Variants in CTNNA3 observed in about 807,000 individuals in gnomAD.
CTNNA3 encodes catenin alpha 3.
A neutral mutation model predicts 95.7 loss-of-function variants in CTNNA3; 76 were observed. The observed-to-expected ratio is 0.79, with a 90% CI of 0.66 to 0.96. The LOEUF is 0.96. Ranked by LOEUF, CTNNA3 falls within the 40% of genes least tolerant of loss-of-function variation. CTNNA3 has a pLI of 0.00. For missense variants in CTNNA3, 1,191 were observed against 1,089.8 expected, an observed-to-expected ratio of 1.09 and a Z score of -1.31; for synonymous variants, 431 against 374.4, an observed-to-expected ratio of 1.15 and a Z score of -1.74.
rs1445657787 is a variant in CTNNA3, at chr10:65,919,202, C to CT, written c.*1127dup. 6.6e-6 allele frequency: 1 copy of CT among 152,006 alleles called. No individual in the cohort carries two copies. Among genetic ancestry groups the CT allele is most frequent in the Non-Finnish European group, 1.5e-5 (1 of 67,970 alleles). The allele number at this position is 152,006 out of a possible 1,614,324, so 9.4% of individuals were successfully genotyped here. On this transcript the variant is annotated 3_prime_UTR_variant, in exon 18 of 18. Coordinates refer to ENST00000433211, the MANE Select transcript of CTNNA3 (RefSeq NM_013266.4). The stretch of plus-strand genomic sequence containing the variant: ...ATGACAGAGAGAGGTACACTAGACT[C>CT]TAAGACTATTATGAAGTCCATTATG...
At chr10:66,814,201 G>A (rs1841990008) in intron 7 of CTNNA3, among the ~76,000 whole-genome samples, 1 of 150,978 alleles carries the variant, frequency 6.6e-6, no homozygotes, top group Admixed American at 6.6e-5. Context: ...ATAATTTAGG[G>A]AAAGTGAAAG....
At chr10:67,605,350 A>G (rs1843231604) in intron 3 of CTNNA3, among the ~76,000 whole-genome samples, 1 of 152,230 alleles carries the variant, frequency 6.6e-6, no homozygotes, top group Admixed American at 6.5e-5. Flanking sequence ...ATAAAACAGT[A>G]TCTACCAGGG....
chr10:66,802,808 G>A (rs1841480749), intron 7 of CTNNA3, among the ~76,000 whole-genome samples: 1 of 151,552 alleles, frequency 6.6e-6, no homozygotes, highest in Admixed American at 6.6e-5. Context: ...TTATTAAAAT[G>A]TTCCAACGAT....
At chr10:67,630,615 G>A (rs1181736418) in intron 2 of CTNNA3, among the ~76,000 whole-genome samples, 2 of 152,090 alleles carry the variant, frequency 1.3e-5, no homozygotes, top group Non-Finnish European at 2.9e-5. Flanking sequence ...AGTATTAAAA[G>A]CTATCCCCAA....
At chr10:67,146,134 A>G (rs747753016) in intron 7 of CTNNA3, among the ~76,000 whole-genome samples, 3 of 152,188 alleles carry the variant, frequency 2.0e-5, no homozygotes, top group Non-Finnish European at 2.9e-5. Flanking sequence ...CTTTCTTGAA[A>G]TTTGCATTAA....
At chr10:66,835,210 AT>A (rs11351585) in intron 7 of CTNNA3, among the ~76,000 whole-genome samples, 44,483 of 152,068 alleles carry the variant, frequency 0.29, 8,001 homozygotes, top group African/African-American at 0.48. Context: ...TTAAAGAAAA[AT>A]TACAGTCAAG....
At chr10:66,635,990 CTG>C (rs10527642) in intron 9 of CTNNA3, among the ~76,000 whole-genome samples, 7,327 of 145,740 alleles carry the variant, frequency 0.05, 316 homozygotes, top group East Asian at 0.14. Context: ...TGGAAGAACA[CTG>C]TGTGTGTGTG....
intron 5 of CTNNA3, among the ~76,000 whole-genome samples, chr10:67,220,796 A>G (rs181303615): frequency 2.0e-5 from 3 of 152,132 alleles, no homozygotes; most frequent in Non-Finnish European, 4.4e-5. Flanking sequence ...TACCTTAACC[A>G]AGTGATGAAA....
intron 6 of CTNNA3, among the ~76,000 whole-genome samples, chr10:67,205,758 G>C (rs532802877): frequency 4.1e-4 from 62 of 152,246 alleles, no homozygotes; most frequent in Non-Finnish European, 7.4e-4. Context: ...AAAAGGTAAG[G>C]ATAAATACAG....
At chr10:66,282,431 A>C (rs539069195) in intron 12 of CTNNA3, among the ~76,000 whole-genome samples, 40 of 151,826 alleles carry the variant, frequency 2.6e-4, no homozygotes, top group Admixed American at 7.2e-4. Flanking sequence ...AGGAAACCTA[A>C]TTTTCCTTTA....
Position 65,919,037 on chromosome 10 carries a change from T to G in CTNNA3, c.*1293A>C, listed in dbSNP as rs2077041558. On this transcript the variant is annotated 3_prime_UTR_variant, in exon 18 of 18. Coordinates refer to ENST00000433211, the MANE Select transcript of CTNNA3 (RefSeq NM_013266.4). ...TATGATAATGTAGAATAGAAAATGT[T>G]TTTTAAAGTCTGTGAATCAGAACTC... The G allele has an allele frequency of 1.3e-5, 2 of 151,660 alleles. No individual in the cohort carries two copies. Among genetic ancestry groups the G allele is most frequent in the Admixed American group, 1.3e-4 (2 of 15,238 alleles). 9.4% of individuals were successfully genotyped at this position (151,660 alleles called of 1,614,324 possible).
chr10:67,044,160 G>A (rs1854581523), intron 7 of CTNNA3, among the ~76,000 whole-genome samples: 1 of 151,892 alleles, frequency 6.6e-6, no homozygotes, highest in Admixed American at 6.6e-5. Context: ...TGTACCCCAT[G>A]GCTAGCTCTC....
At chr10:67,534,687 C>G (rs1301066171) in intron 4 of CTNNA3, among the ~76,000 whole-genome samples, 1 of 151,936 alleles carries the variant, frequency 6.6e-6, no homozygotes, top group African/African-American at 2.4e-5. Context: ...TGTGTCTATT[C>G]GTGCAAGGGG....
intron 7 of CTNNA3, among the ~76,000 whole-genome samples, chr10:67,142,608 T>C (rs1441911874): frequency 6.6e-6 from 1 of 152,148 alleles, no homozygotes; most frequent in African/African-American, 2.4e-5. Flanking sequence ...CGGAGCATTA[T>C]GCTAAAAAAA....
intron 10 of CTNNA3, among the ~76,000 whole-genome samples, chr10:66,536,873 T>A (rs923575884): frequency 1.3e-5 from 2 of 152,150 alleles, no homozygotes; most frequent in Admixed American, 1.3e-4. Flanking sequence ...TGTCAAACTC[T>A]CTCTCTTCTA....
chr10:66,394,925 G>A (rs1164353895), intron 11 of CTNNA3, among the ~76,000 whole-genome samples: 2 of 152,054 alleles, frequency 1.3e-5, no homozygotes, highest in African/African-American at 4.8e-5. Flanking sequence ...TACAATAAAT[G>A]CAAATGCACA....
At position 67,324,833 on chromosome 10, in the gene CTNNA3, T is replaced by C. The variant is rs183951972; in HGVS notation, c.580-104963A>G. On this transcript the variant is annotated intron_variant, in intron 5 of 17. Coordinates refer to ENST00000433211, the MANE Select transcript of CTNNA3 (RefSeq NM_013266.4). ...CAGTAATGGTACCAGCTCTTCCTTG[T>C]ACATGTGGTAGAATTCAGCTATGAA... Among the ~76,000 whole-genome samples the C allele has an allele frequency of 1.1e-3, 168 of 152,282 alleles. 1 individual carries two copies. Among genetic ancestry groups the C allele is most frequent in the African/African-American group, 3.9e-3 (163 of 41,554 alleles).
chr10:66,525,755 AC>A (rs1337571934), intron 10 of CTNNA3, among the ~76,000 whole-genome samples: 18 of 152,158 alleles, frequency 1.2e-4, no homozygotes, highest in African/African-American at 4.3e-4. Context: ...CATCTCCAGA[AC>A]TTTTTAGCAC....
chr10:67,581,845 G>C (rs1178529611), intron 3 of CTNNA3, among the ~76,000 whole-genome samples: 1 of 152,076 alleles, frequency 6.6e-6, no homozygotes, highest in Non-Finnish European at 1.5e-5. Flanking sequence ...GTTTTTTTGT[G>C]TAGAAGTGTT....
Sources: allele counts gnomAD v4.1 joint callset (sites outside exome capture counted in the v4.1 genomes callset), GRCh38; gene constraint gnomAD v4.1.1; transcripts MANE v1.5; gene names NCBI Gene and HGNC (gene_info 2026-07-23, HGNC 2026-07-21).